GTF3C5: variants seen among roughly 807,000 people sequenced by gnomAD.
GTF3C5 encodes the protein general transcription factor 3C polypeptide 5.
Under a neutral mutation model 61.0 loss-of-function variants are expected in GTF3C5, and 47 were observed. That is an observed-to-expected ratio of 0.77 (90% CI 0.61 to 0.98). The LOEUF is 0.98. Among genes scored for constraint, GTF3C5 ranks in the 50% least tolerant of loss-of-function variants. GTF3C5 has a pLI of 0.00. For missense variants in GTF3C5, 659 were observed against 703.3 expected (o/e 0.94, Z 0.71); for synonymous variants, 295 against 275.4 (o/e 1.07, Z -0.71).
rs1377328235 is a variant in GTF3C5 at position 133,043,884 on chromosome 9, A to G, written c.530A>G (p.Asp177Gly). The G allele has an allele frequency of 6.2e-7, 1 of 1,613,928 alleles. No individual in the cohort carries two copies. Residue 177 changes from aspartate (D) to glycine (G), a missense_variant, in exon 3 of 11, where the codon GAC becomes GGC. Transcript: ENST00000372097. Reference sequence around the variant, plus strand: ...CCCCCACCCATCTTCTCCCGGCTGGACGCCCCGGTGGACTACTTCTACCGA... The same window carrying G: ...CCCCCACCCATCTTCTCCCGGCTGGGCGCCCCGGTGGACTACTTCTACCGA... Reference protein sequence around the residue: ...YIPPPIFSRLDAPVDYFYRPE... With the variant: ...YIPPPIFSRLGAPVDYFYRPE...
intron 4 of GTF3C5, among the ~76,000 whole-genome samples, chr9:133,051,224 T>C (rs79978928): frequency 6.6e-6 from 1 of 152,370 alleles, no homozygotes; most frequent in East Asian, 1.9e-4. Flanking sequence ...GTTGTTCAGA[T>C]GTGACATAAA....
At chr9:133,044,137 T>G (rs1478845667) in intron 3 of GTF3C5, 1 of 331,270 alleles carries the variant, frequency 3.0e-6, no homozygotes, top group Non-Finnish European at 5.3e-6. Flanking sequence ...AGAGTGAGAC[T>G]TTGTCTCCCA....
chr9:133,040,019 G>T (rs572125448), intron 1 of GTF3C5, among the ~76,000 whole-genome samples: 4 of 152,118 alleles, frequency 2.6e-5, no homozygotes, highest in Non-Finnish European at 4.4e-5. Flanking sequence ...AGTTAATCAC[G>T]TTTTCTTCTT....
chr9:133,053,707 T>C (rs1307591908), intron 5 of GTF3C5, 121 bp from the exon 6 acceptor site: 3 of 590,704 alleles, frequency 5.1e-6, no homozygotes, highest in Non-Finnish European at 9.0e-6. Context: ...AGAGCAGGGC[T>C]GGGCATCCAG....
intron 3 of GTF3C5, among the ~76,000 whole-genome samples, chr9:133,049,380 G>T (rs1323689520): frequency 6.6e-6 from 1 of 152,214 alleles, no homozygotes; most frequent in South Asian, 2.1e-4. Flanking sequence ...GAAGGCCCAG[G>T]CTCGATCCCG....
intron 1 of GTF3C5, among the ~76,000 whole-genome samples, chr9:133,040,666 A>T (rs541329750): frequency 1.2e-4 from 19 of 152,296 alleles, no homozygotes; most frequent in Admixed American, 1.0e-3. Context: ...GGACCTCGAA[A>T]CATTTGCATA....
intron 1 of GTF3C5, among the ~76,000 whole-genome samples, chr9:133,040,198 C>G (rs531442495): frequency 1.3e-5 from 2 of 152,286 alleles, no homozygotes; most frequent in African/African-American, 4.8e-5. Flanking sequence ...TCATTCCCGC[C>G]CCATCGGGAC....
intron 1 of GTF3C5, among the ~76,000 whole-genome samples, chr9:133,038,100 G>A (rs1288894579): frequency 6.6e-6 from 1 of 152,106 alleles, no homozygotes; most frequent in Non-Finnish European, 1.5e-5. Flanking sequence ...TAGTTTCGGC[G>A]GGAAGGGCAG....
At position 133,058,009 on chromosome 9, in the gene GTF3C5, C is replaced by T. The variant is rs369849242; in HGVS notation, c.*29C>T. ...GGCCCAAGGCTGGGCCTCCCTGACC[C>T]GGCCAGACTGGTGTCTGGCCTAATG... On this transcript the variant is annotated 3_prime_UTR_variant, in exon 11 of 11. Transcript: ENST00000372097. The T allele has an allele frequency of 2.1e-4, 338 of 1,612,342 alleles. No individual in the cohort carries two copies. The highest frequency in any genetic ancestry group is 1.5e-3 in the Admixed American group (88 of 59,856).
chr9:133,050,877 G>T lies in GTF3C5; in HGVS notation c.667G>T (p.Asp223Tyr), dbSNP rs757421520. 5 of 1,613,660 alleles carry T rather than the reference G, an allele frequency of 3.1e-6. No homozygotes were observed. The highest frequency in any genetic ancestry group is 1.1e-5 in the South Asian group (1 of 90,996). The part of the protein sequence containing the change: ...PHNAIFVNFE[D>Y]EEVPKQPLEA... ...CAATGCCATCTTTGTCAACTTTGAG[G>T]ATGAGGAGGTGCCCAAGCAGCCACT... Residue 223 changes from aspartate (D) to tyrosine (Y), a missense_variant, in exon 4 of 11, where the codon GAT becomes TAT. Coordinates refer to ENST00000372097, the MANE Select transcript of GTF3C5 (RefSeq NM_012087.4).
rs781754540 is a variant in GTF3C5, at chr9:133,056,750, C to G, written c.1251-16C>G. 1 of 1,584,286 alleles carries G rather than the reference C, an allele frequency of 6.3e-7. No homozygotes were observed. Among genetic ancestry groups the G allele is most frequent in the South Asian group, 1.2e-5 (1 of 86,640 alleles). Reference sequence around the variant, plus strand: ...CGCCCTGGGACTTTATGTCCCAACCCTCTCCCCACCCCCAGGTTGCAGAAG... The same window carrying G: ...CGCCCTGGGACTTTATGTCCCAACCGTCTCCCCACCCCCAGGTTGCAGAAG... On this transcript the variant is annotated splice_polypyrimidine_tract_variant and intron_variant, in intron 9 of 10. Coordinates refer to ENST00000372097, the MANE Select transcript of GTF3C5 (RefSeq NM_012087.4).
rs545212615 is a variant in GTF3C5 at position 133,042,403 on chromosome 9, G to A, written c.373+97G>A. The A allele has an allele frequency of 2.0e-5, 17 of 832,368 alleles. No individual in the cohort carries two copies. The East Asian group carries it at 4.0e-4, about 20-fold the overall frequency. 51.6% of individuals were successfully genotyped at this position (832,368 alleles called of 1,614,324 possible). A position where few individuals can be genotyped will look rare whatever the true frequency, so the allele number is the denominator to read the frequency against. On this transcript the variant is annotated intron_variant, in intron 2 of 10. Transcript: ENST00000372097. ...GTGGGTCATCTGCACCAGTGGAGGG[G>A]GCCAGGATATGCCCAGGGGCTGTGG...
At chr9:133,051,467 G>A (rs545694062) in intron 4 of GTF3C5, among the ~76,000 whole-genome samples, 3 of 152,352 alleles carry the variant, frequency 2.0e-5, no homozygotes, top group East Asian at 3.9e-4. Flanking sequence ...CTTCCCTTAC[G>A]CAGTGTGCCT....
chr9:133,054,534 G>C, intron 7 of GTF3C5, 46 bp downstream of exon 7: 1 of 1,574,466 alleles, frequency 6.4e-7, no homozygotes, highest in Non-Finnish European at 8.7e-7. Context: ...GATTTGCCAA[G>C]GAAGGCGGGG....
chr9:133,050,895 C>G lies in GTF3C5; in HGVS notation c.685C>G (p.Gln229Glu). 6.2e-7 allele frequency: 1 copy of G among 1,613,838 alleles called. No individual in the cohort carries two copies. ...CTTTGAGGATGAGGAGGTGCCCAAG[C>G]AGCCACTGGAGGCTGCAGCCCAGAC... The part of the protein sequence containing the change: ...VNFEDEEVPK[Q>E]PLEAAAQTWR... Residue 229 changes from glutamine (Q) to glutamate (E), a missense_variant, in exon 4 of 11, where the codon CAG (glutamine) becomes GAG (glutamate). Transcript: ENST00000372097.
At chr9:133,048,315 T>G (rs1207792100) in intron 3 of GTF3C5, among the ~76,000 whole-genome samples, 1 of 152,028 alleles carries the variant, frequency 6.6e-6, no homozygotes, top group African/African-American at 2.4e-5. Flanking sequence ...GCTAACACAG[T>G]GAAACCCTGT....
intron 1 of GTF3C5, among the ~76,000 whole-genome samples, chr9:133,031,985 T>C (rs1405821360): frequency 6.6e-6 from 1 of 152,006 alleles, no homozygotes; most frequent in Non-Finnish European, 1.5e-5. Context: ...AACTTTAAAA[T>C]GGAGAACAAA....
At position 133,058,201 on chromosome 9, in the gene GTF3C5, G is replaced by A; in HGVS notation, c.*221G>A. On this transcript the variant is annotated 3_prime_UTR_variant, in exon 11 of 11. Coordinates refer to ENST00000372097, the MANE Select transcript of GTF3C5 (RefSeq NM_012087.4). Reference sequence around the variant, plus strand: ...TGAGGGGTTAGGGACATCCCCAAAGGGTATACCCTGGCTCTGCCACCCATG... The same window carrying A: ...TGAGGGGTTAGGGACATCCCCAAAGAGTATACCCTGGCTCTGCCACCCATG... 1 of 1,333,230 alleles carries A rather than the reference G, an allele frequency of 7.5e-7. No individual in the cohort carries two copies. Among genetic ancestry groups the A allele is most frequent in the East Asian group, 3.2e-5 (1 of 31,448 alleles). The allele number at this position is 1,333,230 out of a possible 1,614,324, so 82.6% of individuals were successfully genotyped here.
intron 3 of GTF3C5, among the ~76,000 whole-genome samples, chr9:133,048,669 CAAAA>C: frequency 6.6e-6 from 1 of 152,056 alleles, no homozygotes; most frequent in Non-Finnish European, 1.5e-5. Flanking sequence ...AACTCCATCT[CAAAA>C]AAAAGAAAAC....
Sources: gnomAD v4.1 joint callset for allele counts (sites outside exome capture counted in the v4.1 genomes callset) on GRCh38, gnomAD v4.1.1 for gene constraint, MANE v1.5 for transcripts, NCBI Gene and HGNC (gene_info 2026-07-23, HGNC 2026-07-21) for gene names.